The following SV2B variants were observed in gnomAD, a reference collection of about 807,000 sequenced individuals.
SV2B encodes solute carrier family 22 member B2.
Under a neutral mutation model 73.9 loss-of-function variants are expected in SV2B, and 41 were observed. That is an observed-to-expected ratio of 0.56 (90% CI 0.43 to 0.72). SV2B has a LOEUF of 0.72. Among genes scored for constraint, SV2B ranks in the 30% least tolerant of loss-of-function variants. SV2B has a pLI of 0.00. For missense variants in SV2B, 764 were observed against 857.8 expected (o/e 0.89, Z 1.37); for synonymous variants, 314 against 314.2 (o/e 1.00, Z 0.01).
intron 1 of SV2B, among the ~76,000 whole-genome samples, chr15:91,216,479 TTTTTG>T (rs1229453116): frequency 1.1e-3 from 162 of 152,198 alleles, no homozygotes; most frequent in African/African-American, 3.8e-3. Context: ...TTTTTTTGTT[TTTTTG>T]TTTTTTGAGA....
At chr15:91,125,004 G>C (rs980520261) in intron 1 of SV2B, among the ~76,000 whole-genome samples, 14 of 152,198 alleles carry the variant, frequency 9.2e-5, no homozygotes, top group Non-Finnish European at 1.6e-4. Flanking sequence ...AGGTCAGGGT[G>C]TGGTCAGTGT....
At chr15:91,143,949 G>A (rs1165640155) in intron 1 of SV2B, among the ~76,000 whole-genome samples, 1 of 152,156 alleles carries the variant, frequency 6.6e-6, no homozygotes, top group Non-Finnish European at 1.5e-5. Context: ...GGGAGGGAGA[G>A]TCTTATAGCC....
At position 91,240,069 on chromosome 15, in the gene SV2B, A is replaced by T. The variant is rs563522609; in HGVS notation, c.452-11750A>T. On this transcript the variant is annotated intron_variant, in intron 2 of 12. Coordinates refer to ENST00000394232, the MANE Select transcript of SV2B (RefSeq NM_001323032.3). The surrounding 1 kb of genome is among the most constrained non-coding windows in gnomAD (Gnocchi z 4.6). ...GGAGGCAATCTCTCTGAACACGTTT[A>T]ATACCTGAACAAAAGCCAGGGTTCC... 6.6e-6 allele frequency among the ~76,000 whole-genome samples: 1 copy of T among 152,314 alleles called. No homozygotes were observed. The highest frequency in any genetic ancestry group is 1.5e-5 in the Non-Finnish European group (1 of 68,028).
chr15:91,117,310 C>T (rs566963015), intron 1 of SV2B, among the ~76,000 whole-genome samples: 5 of 152,336 alleles, frequency 3.3e-5, no homozygotes, highest in South Asian at 2.1e-4. Context: ...ATCTTACACA[C>T]TTGTTAAAAG....
intron 2 of SV2B, among the ~76,000 whole-genome samples, chr15:91,243,900 C>T (rs927425113): frequency 2.0e-5 from 3 of 152,174 alleles, no homozygotes; most frequent in Non-Finnish European, 2.9e-5. Flanking sequence ...CGGTTCTGCT[C>T]TTCTGCTGTG....
At chr15:91,201,142 C>T (rs2045446223) in intron 1 of SV2B, among the ~76,000 whole-genome samples, 1 of 152,186 alleles carries the variant, frequency 6.6e-6, no homozygotes, top group Admixed American at 6.5e-5. Context: ...TGACTCCCTC[C>T]TTTCAAACTC....
chr15:91,252,332 G>C lies in SV2B; in HGVS notation c.633-37G>C. 1.3e-6 allele frequency: 2 copies of C among 1,578,342 alleles called. No homozygotes were observed. The highest frequency in any genetic ancestry group is 1.7e-6 in the Non-Finnish European group (2 of 1,160,600). The stretch of plus-strand genomic sequence containing the variant: ...TCTGCTGTGACCATTTTTAGTGTAT[G>C]ACTTGATTCTTTCTCTCTGGCATTT... On this transcript the variant is annotated intron_variant, in intron 3 of 12. Transcript: ENST00000394232. This position sits in a 1 kb window ranked among gnomAD's most constrained non-coding sequence, Gnocchi z 4.6.
At position 91,292,395 on chromosome 15, in the gene SV2B, G is replaced by T. The variant is rs1423990495; in HGVS notation, c.1895G>T (p.Gly632Val). The T allele has an allele frequency of 6.2e-7, 1 of 1,614,052 alleles. No individual in the cohort carries two copies. The highest frequency in any genetic ancestry group is 1.7e-5 in the Admixed American group (1 of 60,022). ...GCAACAGCCTTCGGCATTCTCAATG[G>T]ATTATGCAAATTTGGCGCCATCCTG... The part of the protein sequence containing the change: ...QRATAFGILN[G>V]LCKFGAILGN... The change falls in exon 13 of 13, where the codon GGA becomes GTA. Residue 632 changes from glycine to valine, a missense_variant. Physicochemically the swap from Gly to Val is moderately radical, Grantham distance 109. Coordinates refer to ENST00000394232, the MANE Select transcript of SV2B (RefSeq NM_001323032.3).
chr15:91,225,581 C>T lies in SV2B; in HGVS notation c.-391-292C>T, dbSNP rs536476732. 2.4e-4 allele frequency among the ~76,000 whole-genome samples: 37 copies of T among 152,102 alleles called. 1 individual carries two copies. In the South Asian group the frequency reaches 6.9e-3, roughly 28 times the overall value. On this transcript the variant is annotated intron_variant, in intron 1 of 12. Coordinates refer to ENST00000394232, the MANE Select transcript of SV2B (RefSeq NM_001323032.3). The stretch of plus-strand genomic sequence containing the variant: ...TAAGTTCTAGGGTACATGTGCACAA[C>T]GTGCAGGTTCGTTACATATGTATAC...
rs1397358516 is a variant in SV2B at position 91,299,171 on chromosome 15, A to G, written c.*6619A>G. 6.6e-6 allele frequency: 1 copy of G among 152,188 alleles called. No homozygotes were observed. The highest frequency in any genetic ancestry group is 1.9e-4 in the East Asian group (1 of 5,194). 9.4% of individuals were successfully genotyped at this position (152,188 alleles called of 1,614,324 possible). A position where few individuals can be genotyped will look rare whatever the true frequency, so the allele number is the denominator to read the frequency against. ...GAAGTTTTACTTGTCAATTAAAACT[A>G]TAAATAAAGTGGCTTTCCAGAAAAA... is the stretch of plus-strand genomic sequence containing the variant. On this transcript the variant is annotated 3_prime_UTR_variant, in exon 13 of 13. Transcript: ENST00000394232.
chr15:91,283,887 A>T lies in SV2B; in HGVS notation c.1508-134A>T. ...GATGACATGGCCACATATTACCTTG[A>T]CTTTGAGGCTGTCTGACTGGCAAAG... On this transcript the variant is annotated intron_variant, in intron 10 of 12. Transcript: ENST00000394232. This position sits in a 1 kb window ranked among gnomAD's most constrained non-coding sequence, Gnocchi z 4.3. The T allele has an allele frequency of 1.1e-6, 1 of 877,604 alleles. No homozygotes were observed. The highest frequency in any genetic ancestry group is 1.8e-6 in the Non-Finnish European group (1 of 548,790). 54.4% of individuals were successfully genotyped at this position (877,604 alleles called of 1,614,324 possible).
chr15:91,273,869 A>G (rs2048397251), intron 9 of SV2B, among the ~76,000 whole-genome samples: 2 of 152,176 alleles, frequency 1.3e-5, no homozygotes, highest in Admixed American at 1.3e-4. Flanking sequence ...CGCATTTTTT[A>G]CACTTTTTGC....
In SV2B at chr15:91,140,783, T is replaced by C. The variant is rs1293831790; in HGVS notation, c.-392+40420T>C. The stretch of plus-strand genomic sequence containing the variant: ...GTTTGTCTTGAAGAAGTTTCTGGCA[T>C]GGCTCAGTGGCTGTTTATCACCTCT... On this transcript the variant is annotated intron_variant, in intron 1 of 12. Coordinates refer to ENST00000394232, the MANE Select transcript of SV2B (RefSeq NM_001323032.3). This position sits in a 1 kb window ranked among gnomAD's most constrained non-coding sequence, Gnocchi z 4.4. Among the ~76,000 whole-genome samples the C allele has an allele frequency of 6.6e-6, 1 of 152,176 alleles. No homozygotes were observed. The highest frequency in any genetic ancestry group is 2.4e-5 in the African/African-American group (1 of 41,440).
chr15:91,257,785 A>AC (rs761824612), intron 4 of SV2B, among the ~76,000 whole-genome samples: 1 of 151,870 alleles, frequency 6.6e-6, no homozygotes, highest in East Asian at 1.9e-4. Flanking sequence ...TGAGGCCTTG[A>AC]CCCCCATCCC....
Position 91,294,251 on chromosome 15 carries a change from C to T in SV2B, c.*1699C>T, listed in dbSNP as rs1029331923. 4 of 152,184 alleles carry T rather than the reference C, an allele frequency of 2.6e-5. No homozygotes were observed. The highest frequency in any genetic ancestry group is 9.7e-5 in the African/African-American group (4 of 41,444). 9.4% of individuals were successfully genotyped at this position (152,184 alleles called of 1,614,324 possible). A position where few individuals can be genotyped will look rare whatever the true frequency, so the allele number is the denominator to read the frequency against. On this transcript the variant is annotated 3_prime_UTR_variant, in exon 13 of 13. Coordinates refer to ENST00000394232, the MANE Select transcript of SV2B (RefSeq NM_001323032.3). This position sits in a 1 kb window ranked among gnomAD's most constrained non-coding sequence, Gnocchi z 4.1. The stretch of plus-strand genomic sequence containing the variant: ...AGGTCCTATGATAGCTTCGGGACAT[C>T]TTTCTGTAATTTTCCTCAATTAACG...
chr15:91,264,181 T>C (rs1259532499), intron 6 of SV2B, among the ~76,000 whole-genome samples: 1 of 152,260 alleles, frequency 6.6e-6, no homozygotes, highest in Non-Finnish European at 1.5e-5. Context: ...TTCCTAACTG[T>C]TGCTTCTGGA....
rs754222295 is a variant in SV2B, at chr15:91,281,780, G to A, written c.1426G>A (p.Glu476Lys). ...ACTCTTTGAGGACACATTCTTTGAC[G>A]AGTGCTATTTTGAAGACGTAACATC... ...HVLFEDTFFDECYFEDVTSTD... is the reference protein window; with the variant it reads ...HVLFEDTFFDKCYFEDVTSTD... Residue 476 changes from glutamate (E) to lysine (K), a missense_variant, in exon 10 of 13, where the codon GAG (glutamate) becomes AAG (lysine). Transcript: ENST00000394232. The surrounding 1 kb of genome is among the most constrained non-coding windows in gnomAD (Gnocchi z 4.7). 37 of 1,612,832 alleles carry A rather than the reference G, an allele frequency of 2.3e-5. No individual in the cohort carries two copies. The highest frequency in any genetic ancestry group is 1.5e-4 in the African/African-American group (11 of 74,846).
chr15:91,182,451 A>T (rs1347076317), intron 1 of SV2B, among the ~76,000 whole-genome samples: 1 of 152,242 alleles, frequency 6.6e-6, no homozygotes, highest in Non-Finnish European at 1.5e-5. Flanking sequence ...TCCTATTTTC[A>T]GTCTCTGAAT....
intron 1 of SV2B, among the ~76,000 whole-genome samples, chr15:91,225,344 C>T (rs1245966653): frequency 5.3e-5 from 8 of 152,110 alleles, no homozygotes; most frequent in Non-Finnish European, 1.2e-4. Context: ...GATGTTAAAT[C>T]GTACAGCCAC....
Sources: gnomAD v4.1 joint callset for allele counts (sites outside exome capture counted in the v4.1 genomes callset) on GRCh38, gnomAD v4.1.1 for gene constraint, Gnocchi (gnomAD v3.1) non-coding constraint, MANE v1.5 for transcripts, NCBI Gene and HGNC (gene_info 2026-07-23, HGNC 2026-07-21) for gene names.